KCNN2: variants seen among roughly 807,000 people sequenced by gnomAD.
KCNN2 encodes small conductance calcium-activated potassium channel protein 2.
KCNN2 carries 24 observed loss-of-function variants against 55.5 expected under a neutral mutation model. That is an observed-to-expected ratio of 0.43 (90% CI 0.31 to 0.61). The LOEUF (loss-of-function observed/expected upper bound fraction) is 0.61. Ranked by LOEUF, KCNN2 falls within the 20% of genes least tolerant of loss-of-function variation. KCNN2 has a pLI of 0.08. For missense variants in KCNN2, 754 were observed against 853.6 expected (o/e 0.88, Z 1.45); for synonymous variants, 431 against 336.1 (o/e 1.28, Z -3.09).
intron 1 of KCNN2, among the ~76,000 whole-genome samples, chr5:114,173,751 G>T (rs1753085449): frequency 1.3e-5 from 2 of 150,978 alleles, no homozygotes; most frequent in South Asian, 2.1e-4. Flanking sequence ...TGTGGCTATT[G>T]TAACATTTGA....
At chr5:114,156,644 G>A (rs902284583) in intron 1 of KCNN2, among the ~76,000 whole-genome samples, 2 of 151,994 alleles carry the variant, frequency 1.3e-5, no homozygotes, top group African/African-American at 2.4e-5. Flanking sequence ...TTTTGTGGCA[G>A]TCATGGAAGG....
intron 3 of KCNN2, among the ~76,000 whole-genome samples, chr5:114,445,800 G>C (rs1760382523): frequency 6.6e-6 from 1 of 152,194 alleles, no homozygotes; most frequent in African/African-American, 2.4e-5. Context: ...TCAGTACTGG[G>C]TAATGAGAGA....
chr5:114,112,127 A>C (rs1041822004), intron 1 of KCNN2, among the ~76,000 whole-genome samples: 1 of 152,234 alleles, frequency 6.6e-6, no homozygotes, highest in Non-Finnish European at 1.5e-5. Context: ...GCACATATAC[A>C]ACATGGAATA....
At chr5:114,262,214 T>A (rs534772887) in intron 2 of KCNN2, among the ~76,000 whole-genome samples, 1 of 152,316 alleles carries the variant, frequency 6.6e-6, no homozygotes, top group East Asian at 1.9e-4. Context: ...TGCAGCAATT[T>A]AAAAAGTTAT....
chr5:114,080,185 C>T (rs532904545), intron 1 of KCNN2, among the ~76,000 whole-genome samples: 94 of 152,218 alleles, frequency 6.2e-4, no homozygotes, highest in Non-Finnish European at 1.1e-3. Flanking sequence ...AATATTCTAC[C>T]GAATGGTTGT....
chr5:114,409,569 C>T (rs151157967), intron 3 of KCNN2, among the ~76,000 whole-genome samples: 1 of 152,244 alleles, frequency 6.6e-6, no homozygotes, highest in African/African-American at 2.4e-5. Flanking sequence ...AGGGGAGATT[C>T]ACATCTGATA....
At chr5:114,097,050 C>T (rs895446780) in intron 1 of KCNN2, among the ~76,000 whole-genome samples, 2 of 152,288 alleles carry the variant, frequency 1.3e-5, no homozygotes, top group Non-Finnish European at 2.9e-5. Flanking sequence ...ATCTATTCAA[C>T]TCTGAACTCT....
intron 1 of KCNN2, among the ~76,000 whole-genome samples, chr5:114,189,144 GTGTGTGTGTGTA>G (rs1454719002): frequency 6.6e-6 from 1 of 151,596 alleles, no homozygotes; most frequent in African/African-American, 2.4e-5. Flanking sequence ...GTGTGTGTGT[GTGTGTGTGTGTA>G]TGTGTGTGTG....
At chr5:114,216,725 C>T (rs2112587872) in intron 1 of KCNN2, among the ~76,000 whole-genome samples, 1 of 152,224 alleles carries the variant, frequency 6.6e-6, no homozygotes, top group Middle Eastern at 3.4e-3. Flanking sequence ...AAGAATGTCC[C>T]TTCTCACCAC....
chr5:114,220,162 G>C (rs1754102197), intron 1 of KCNN2, among the ~76,000 whole-genome samples: 2 of 152,068 alleles, frequency 1.3e-5, no homozygotes, highest in Non-Finnish European at 2.9e-5. Flanking sequence ...AATGTTGCAA[G>C]CCAAACCTAT....
chr5:114,321,651 G>T (rs992094612), intron 2 of KCNN2, among the ~76,000 whole-genome samples: 5 of 148,870 alleles, frequency 3.4e-5, no homozygotes, highest in Non-Finnish European at 6.0e-5. Context: ...CACTGGATTT[G>T]TTTTTTTTTT....
intron 1 of KCNN2, among the ~76,000 whole-genome samples, chr5:114,159,982 G>GT (rs745752546): frequency 2.6e-5 from 4 of 152,116 alleles, no homozygotes; most frequent in Non-Finnish European, 4.4e-5. Flanking sequence ...TTTTTGAGGG[G>GT]TTTTTTGTGT....
At chr5:114,462,993 T>TAAC in intron 3 of KCNN2, 56 bp from the exon 4 acceptor site, 2 of 1,534,554 alleles carry the variant, frequency 1.3e-6, no homozygotes, top group Admixed American at 3.6e-5. Context: ...AAACCACACT[T>TAAC]AACTATCATA....
At chr5:114,172,945 C>A (rs977977508) in intron 1 of KCNN2, among the ~76,000 whole-genome samples, 1 of 151,528 alleles carries the variant, frequency 6.6e-6, no homozygotes, top group Admixed American at 6.6e-5. Context: ...TGATATGATC[C>A]CGTTTGTCCA....
At chr5:114,401,997 G>C (rs1758802794) in intron 2 of KCNN2, among the ~76,000 whole-genome samples, 1 of 152,170 alleles carries the variant, frequency 6.6e-6, no homozygotes, top group Non-Finnish European at 1.5e-5. Context: ...TATGGTAATG[G>C]AGAGTGAAGG....
At chr5:114,291,361 C>G (rs10056870) in intron 2 of KCNN2, among the ~76,000 whole-genome samples, 24,541 of 151,898 alleles carry the variant, frequency 0.16, 3,497 homozygotes, top group East Asian at 0.81. Flanking sequence ...CACAACAGTC[C>G]CTGGAGTGCG....
At chr5:114,146,930 G>C (rs1752410364) in intron 1 of KCNN2, among the ~76,000 whole-genome samples, 1 of 152,156 alleles carries the variant, frequency 6.6e-6, no homozygotes, top group African/African-American at 2.4e-5. Context: ...GTAACAAAGA[G>C]AACAAGGAAA....
At chr5:114,206,999 C>T (rs1753789835) in intron 1 of KCNN2, among the ~76,000 whole-genome samples, 1 of 152,312 alleles carries the variant, frequency 6.6e-6, no homozygotes, top group East Asian at 1.9e-4. Context: ...GTGCCCCCTA[C>T]AAAGGACTTA....
intron 6 of KCNN2, among the ~76,000 whole-genome samples, chr5:114,492,583 A>G (rs1042845572): frequency 2.0e-5 from 3 of 152,172 alleles, no homozygotes; most frequent in Non-Finnish European, 2.9e-5. Flanking sequence ...AAAGAATAGC[A>G]GAGTTCTTAC....
Sources: allele counts gnomAD v4.1 joint callset (sites outside exome capture counted in the v4.1 genomes callset), GRCh38; gene constraint gnomAD v4.1.1; transcripts MANE v1.5; gene names NCBI Gene and HGNC (gene_info 2026-07-23, HGNC 2026-07-21).